Variants in PPP1R9A observed in about 807,000 individuals in gnomAD.
PPP1R9A encodes protein phosphatase 1 regulatory subunit 9A, also known as neurabin-1.
A neutral mutation model predicts 141.9 loss-of-function variants in PPP1R9A; 59 were observed. That is an observed-to-expected ratio of 0.42 (90% CI 0.34 to 0.52). The LOEUF (loss-of-function observed/expected upper bound fraction) is 0.52, where lower values mean the gene tolerates loss of function less well. PPP1R9A is among the 20% of genes least tolerant of loss of function. The pLI is 0.10. For synonymous variants in PPP1R9A, 500 were observed against 569.7 expected (o/e 0.88, Z 1.74); for missense variants, 1,444 against 1,611.9 (o/e 0.90, Z 1.78).
intron 2 of PPP1R9A, among the ~76,000 whole-genome samples, chr7:95,078,716 T>A (rs1475112937): frequency 6.6e-6 from 1 of 151,958 alleles, no homozygotes; most frequent in Non-Finnish European, 1.5e-5. Flanking sequence ...TGATTTGCAT[T>A]TCTCTGATGG....
intron 4 of PPP1R9A, among the ~76,000 whole-genome samples, chr7:95,148,890 A>G (rs1828131761): frequency 6.6e-6 from 1 of 151,966 alleles, no homozygotes; most frequent in Admixed American, 6.6e-5. Context: ...CCAAAATCAG[A>G]CAAAAATGTT....
At chr7:94,923,467 C>T (rs114646683) in intron 2 of PPP1R9A, among the ~76,000 whole-genome samples, 472 of 152,238 alleles carry the variant, frequency 3.1e-3, no homozygotes, top group African/African-American at 0.011. Context: ...AGTTCATTAT[C>T]TTGCTTATAT....
intron 10 of PPP1R9A, 63 bp from the exon 11 acceptor site, chr7:95,251,699 T>A (rs1354326460): frequency 6.9e-7 from 1 of 1,458,462 alleles, no homozygotes. Context: ...GTTTATTGTT[T>A]CAGATAAGAA....
At position 95,188,753 on chromosome 7, in the gene PPP1R9A, T is replaced by C. The variant is rs1835027428; in HGVS notation, c.1755-9596T>C. 3.9e-5 allele frequency among the ~76,000 whole-genome samples: 6 copies of C among 151,908 alleles called. 1 individual carries two copies. The South Asian group carries it at 1.2e-3, about 32-fold the overall frequency. Reference sequence around the variant, plus strand: ...AGCTGGGATTACAGGCACCTGCCACTGCACCTGGATAATTTTTGTAGTTTT... The same window carrying C: ...AGCTGGGATTACAGGCACCTGCCACCGCACCTGGATAATTTTTGTAGTTTT... On this transcript the variant is annotated intron_variant, in intron 5 of 19. Coordinates refer to ENST00000433360, the MANE Select transcript of PPP1R9A (RefSeq NM_001166160.2).
At chr7:95,082,348 C>G (rs1436930456) in intron 2 of PPP1R9A, among the ~76,000 whole-genome samples, 2 of 150,510 alleles carry the variant, frequency 1.3e-5, no homozygotes, top group East Asian at 3.9e-4. Context: ...CGGAAAATAC[C>G]TAAGAAGGCC....
At chr7:95,161,499 G>A (rs1250282963) in intron 4 of PPP1R9A, among the ~76,000 whole-genome samples, 1 of 152,110 alleles carries the variant, frequency 6.6e-6, no homozygotes, top group Non-Finnish European at 1.5e-5. Flanking sequence ...GTCTCTTACA[G>A]TATAGTATAG....
intron 2 of PPP1R9A, among the ~76,000 whole-genome samples, chr7:95,053,913 A>G (rs1349214488): frequency 6.6e-6 from 1 of 152,184 alleles, no homozygotes; most frequent in Non-Finnish European, 1.5e-5. Context: ...CAGCTCAGAC[A>G]GGTCTATTGA....
intron 18 of PPP1R9A, among the ~76,000 whole-genome samples, chr7:95,288,046 T>G (rs899152442): frequency 6.6e-6 from 1 of 152,304 alleles, no homozygotes; most frequent in East Asian, 1.9e-4. Context: ...CCTCACAGTT[T>G]GCTTGCTGCT....
intron 12 of PPP1R9A, among the ~76,000 whole-genome samples, chr7:95,267,713 T>C (rs1171535548): frequency 6.6e-6 from 1 of 152,108 alleles, no homozygotes; most frequent in East Asian, 1.9e-4. Context: ...ATTTAAAGAC[T>C]TAAGTATTTA....
At chr7:95,251,620 T>C in intron 10 of PPP1R9A, 142 bp from the exon 11 acceptor site, 5 of 730,972 alleles carry the variant, frequency 6.8e-6, no homozygotes, top group Non-Finnish European at 1.0e-5. Flanking sequence ...TTCATTACTA[T>C]ACTTTTTCCT....
chr7:95,230,969 T>G (rs905781679), intron 8 of PPP1R9A, among the ~76,000 whole-genome samples: 2 of 152,058 alleles, frequency 1.3e-5, no homozygotes, highest in African/African-American at 4.8e-5. Flanking sequence ...AATGGCAGAA[T>G]GGATAAGAAT....
At chr7:95,159,619 T>A (rs1830144523) in intron 4 of PPP1R9A, among the ~76,000 whole-genome samples, 2 of 152,048 alleles carry the variant, frequency 1.3e-5, no homozygotes, top group Non-Finnish European at 2.9e-5. Flanking sequence ...TGTAATGTGC[T>A]TCTTTAGAAA....
At chr7:95,165,896 C>G (rs1831168849) in intron 5 of PPP1R9A, among the ~76,000 whole-genome samples, 1 of 151,942 alleles carries the variant, frequency 6.6e-6, no homozygotes, top group African/African-American at 2.4e-5. Context: ...GCCTGGAATC[C>G]CATCATTTTG....
intron 2 of PPP1R9A, among the ~76,000 whole-genome samples, chr7:95,051,395 C>CT (rs1563168607): frequency 2.6e-5 from 4 of 152,118 alleles, no homozygotes; most frequent in African/African-American, 7.2e-5. Context: ...TATAGTAAGT[C>CT]TTGAAGTTAG....
intron 4 of PPP1R9A, among the ~76,000 whole-genome samples, chr7:95,131,798 A>G (rs1824687497): frequency 6.6e-6 from 1 of 152,142 alleles, no homozygotes; most frequent in South Asian, 2.1e-4. Flanking sequence ...CATTTTGCTG[A>G]TATTGATTCT....
chr7:95,245,419 T>G (rs576817926), intron 8 of PPP1R9A, among the ~76,000 whole-genome samples: 17 of 152,270 alleles, frequency 1.1e-4, no homozygotes, highest in Non-Finnish European at 2.9e-5. Context: ...TGATTCACTG[T>G]GAGGAAAAGA....
rs372494701 is a variant in PPP1R9A, at chr7:95,189,687, C to T, written c.1755-8662C>T. Among the ~76,000 whole-genome samples the T allele has an allele frequency of 4.2e-3, 645 of 152,052 alleles. 3 individuals are homozygous for T. The highest frequency in any genetic ancestry group is 0.014 in the African/African-American group (581 of 41,492). The stretch of plus-strand genomic sequence containing the variant: ...TCCTGACCTCGTGATCCGCCTGCCT[C>T]GGCCTCCCAAAGTGCTGGGATTACA... On this transcript the variant is annotated intron_variant, in intron 5 of 19. Coordinates refer to ENST00000433360, the MANE Select transcript of PPP1R9A (RefSeq NM_001166160.2).
intron 4 of PPP1R9A, among the ~76,000 whole-genome samples, chr7:95,150,012 G>C (rs1828366130): frequency 1.3e-5 from 2 of 152,062 alleles, no homozygotes; most frequent in African/African-American, 4.8e-5. Flanking sequence ...TAGACAAAGA[G>C]ATCAGTGGAA....
chr7:94,923,454 T>C (rs1793093505), intron 2 of PPP1R9A, among the ~76,000 whole-genome samples: 2 of 152,166 alleles, frequency 1.3e-5, no homozygotes, highest in Admixed American at 6.5e-5. Flanking sequence ...AGTGGAGATG[T>C]CAAGTTCATT....
Sources: gnomAD v4.1 joint callset for allele counts (sites outside exome capture counted in the v4.1 genomes callset) on GRCh38, gnomAD v4.1.1 for gene constraint, MANE v1.5 for transcripts, NCBI Gene and HGNC (gene_info 2026-07-23, HGNC 2026-07-21) for gene names.